UBAP2L: variants seen among roughly 807,000 people sequenced by gnomAD.
The protein encoded by UBAP2L is ubiquitin-associated protein 2-like.
A neutral mutation model predicts 130.6 loss-of-function variants in UBAP2L; 12 were observed. The observed-to-expected ratio is 0.09, with a 90% CI of 0.06 to 0.15. The LOEUF (loss-of-function observed/expected upper bound fraction) is 0.15. Among genes scored for constraint, UBAP2L ranks in the 10% least tolerant of loss-of-function variants. UBAP2L has a pLI of 1.00. For missense variants in UBAP2L, 965 were observed against 1,332.5 expected (o/e 0.72, Z 4.29); for synonymous variants, 503 against 524.7 (o/e 0.96, Z 0.57).
At position 154,234,350 on chromosome 1, in the gene UBAP2L, G is replaced by A. The variant is rs541982940; in HGVS notation, c.280-241G>A. 1.2e-3 allele frequency among the ~76,000 whole-genome samples: 183 copies of A among 152,022 alleles called. 1 individual carries two copies. Among genetic ancestry groups the A allele is most frequent in the African/African-American group, 4.2e-3 (176 of 41,488 alleles). On this transcript the variant is annotated intron_variant, in intron 4 of 26. Transcript: ENST00000428931. Reference sequence around the variant, plus strand: ...TGCACTCCAGCCTGGGCAACAGAGCGAGACTCTGTCTCAAAAATAAATAAA... The same window carrying A: ...TGCACTCCAGCCTGGGCAACAGAGCAAGACTCTGTCTCAAAAATAAATAAA...
At chr1:154,247,056 G>C (rs1013934439) in intron 11 of UBAP2L, among the ~76,000 whole-genome samples, 14 of 152,168 alleles carry the variant, frequency 9.2e-5, no homozygotes, top group African/African-American at 3.1e-4. Context: ...ACAAGTACCA[G>C]TTTTCTCATA....
intron 24 of UBAP2L, among the ~76,000 whole-genome samples, chr1:154,265,012 C>T (rs1194597): frequency 0.05 from 7,611 of 152,268 alleles, 665 homozygotes; most frequent in African/African-American, 0.17. Context: ...ACTCCTGTAT[C>T]GTTCCCTTCT....
chr1:154,246,324 G>A lies in UBAP2L; in HGVS notation c.963G>A (p.Gln321=). Residue 321 remains glutamine (Q), a synonymous_variant, in exon 11 of 27, where the codon CAG becomes CAA. Coordinates refer to ENST00000428931, the MANE Select transcript of UBAP2L (RefSeq NM_014847.4). The part of the protein sequence containing the change: ...AQPLVFSNSK[Q]TAISQPASGN... Reference sequence around the variant, plus strand: ...CTCTGGTGTTCAGTAATTCGAAGCAGACTGCCATATCACAGCCTGCTTCAG... The same window carrying A: ...CTCTGGTGTTCAGTAATTCGAAGCAAACTGCCATATCACAGCCTGCTTCAG... The A allele has an allele frequency of 6.2e-7, 1 of 1,613,606 alleles. No individual in the cohort carries two copies. The highest frequency in any genetic ancestry group is 8.5e-7 in the Non-Finnish European group (1 of 1,179,840).
chr1:154,236,552 CA>C lies in UBAP2L; in HGVS notation c.545-13del. On this transcript the variant is annotated splice_polypyrimidine_tract_variant and intron_variant, in intron 6 of 26. Transcript: ENST00000428931. ...AAATACATCTCTCTTCTCTTTTTCT[CA>C]TTCTTTCTTTAGGTGGCTCTGGTAG... The C allele has an allele frequency of 6.2e-7, 1 of 1,613,748 alleles. No individual in the cohort carries two copies.
chr1:154,270,940 C>A (rs1191679588), downstream of UBAP2L: 30 of 1,549,968 alleles, frequency 1.9e-5, no homozygotes, highest in Non-Finnish European at 2.5e-5. Flanking sequence ...ACCAACTGGG[C>A]CTCCTCTAGC....
chr1:154,228,046 C>T (rs926513415), intron 3 of UBAP2L, among the ~76,000 whole-genome samples: 1 of 152,020 alleles, frequency 6.6e-6, no homozygotes, highest in African/African-American at 2.4e-5. Context: ...TTGACCTCAT[C>T]CCTGAACCAC....
At chr1:154,226,276 T>C (rs1313580779) in intron 2 of UBAP2L, among the ~76,000 whole-genome samples, 1 of 152,218 alleles carries the variant, frequency 6.6e-6, no homozygotes, top group African/African-American at 2.4e-5. Context: ...TTCTTCAAAA[T>C]TAAATGAAAC....
chr1:154,254,819 T>TG lies in UBAP2L; in HGVS notation c.1855-17_1855-16insG, dbSNP rs776052656. ...TTTGTCTGTTTCTTGCTCTTCTGTT[T>TG]TTTTTTTTTTTACCAGAATGGCTTC... is the stretch of plus-strand genomic sequence containing the variant. On this transcript the variant is annotated splice_polypyrimidine_tract_variant and intron_variant, in intron 15 of 26. Coordinates refer to ENST00000428931, the MANE Select transcript of UBAP2L (RefSeq NM_014847.4). 1.9e-6 allele frequency: 3 copies of TG among 1,578,752 alleles called. No homozygotes were observed. Among genetic ancestry groups the TG allele is most frequent in the Non-Finnish European group, 2.6e-6 (3 of 1,159,674 alleles).
At chr1:154,240,152 G>A (rs960786494) in intron 8 of UBAP2L, among the ~76,000 whole-genome samples, 2 of 152,116 alleles carry the variant, frequency 1.3e-5, no homozygotes, top group Non-Finnish European at 2.9e-5. Context: ...AGGAGGGAAG[G>A]ATTGAAGAGT....
chr1:154,241,125 G>C (rs1673450319), intron 8 of UBAP2L, among the ~76,000 whole-genome samples: 1 of 151,516 alleles, frequency 6.6e-6, no homozygotes, highest in Non-Finnish European at 1.5e-5. Flanking sequence ...TTTCACTCTT[G>C]TTGCCCAGGC....
intron 24 of UBAP2L, among the ~76,000 whole-genome samples, chr1:154,265,003 C>T (rs956543583): frequency 3.9e-5 from 6 of 152,202 alleles, no homozygotes; most frequent in African/African-American, 1.4e-4. Flanking sequence ...CTTTAAGATA[C>T]TCCTGTATCG....
intron 15 of UBAP2L, 100 bp from the exon 16 acceptor site, chr1:154,254,735 TA>T: frequency 7.8e-7 from 1 of 1,287,242 alleles, no homozygotes; most frequent in Non-Finnish European, 1.1e-6. Context: ...GAGTTTCTCC[TA>T]AAGATTTGTT....
intron 24 of UBAP2L, among the ~76,000 whole-genome samples, chr1:154,265,317 G>A (rs1030352621): frequency 6.6e-6 from 1 of 152,158 alleles, no homozygotes; most frequent in Non-Finnish European, 1.5e-5. Context: ...GGCCACTCTA[G>A]TACACTGCTT....
chr1:154,233,524 C>T (rs1330086429), intron 4 of UBAP2L, among the ~76,000 whole-genome samples: 6 of 144,854 alleles, frequency 4.1e-5, no homozygotes, highest in African/African-American at 8.4e-5. Flanking sequence ...GGGGTTTCAC[C>T]GTGTTGGCCA....
intron 24 of UBAP2L, chr1:154,263,621 A>C (rs2149052795): frequency 6.1e-6 from 4 of 653,928 alleles, no homozygotes; most frequent in African/African-American, 2.0e-5. Context: ...AGAACTATTA[A>C]TTTTTCAGTA....
intron 4 of UBAP2L, among the ~76,000 whole-genome samples, chr1:154,230,258 C>T (rs747974663): frequency 4.6e-5 from 7 of 152,284 alleles, no homozygotes; most frequent in East Asian, 1.9e-4. Flanking sequence ...CCTCCTGCCT[C>T]GGCCTTCCAA....
intron 1 of UBAP2L, 120 bp from the exon 2 acceptor site, chr1:154,224,964 G>A (rs1349975694): frequency 1.6e-6 from 1 of 612,898 alleles, no homozygotes; most frequent in African/African-American, 1.9e-5. Flanking sequence ...AAGAATAAAT[G>A]AATCTTATTG....
At position 154,259,986 on chromosome 1, in the gene UBAP2L, G is replaced by A. The variant is rs775765128; in HGVS notation, c.2535G>A (p.Pro845=). Residue 845 remains proline (P), a synonymous_variant, in exon 22 of 27, where the codon CCG becomes CCA. Transcript: ENST00000428931. The part of the protein sequence containing the change: ...YSIPFPTPTT[P]LTGRDGSLAS... Reference sequence around the variant, plus strand: ...TCCCATTTCCCACACCCACTACTCCGCTGACTGGGAGGGATGGTAGCCTGG... The same window carrying A: ...TCCCATTTCCCACACCCACTACTCCACTGACTGGGAGGGATGGTAGCCTGG... 27 of 1,613,926 alleles carry A rather than the reference G, an allele frequency of 1.7e-5. No individual in the cohort carries two copies. The highest frequency in any genetic ancestry group is 3.3e-5 in the Admixed American group (2 of 60,002).
chr1:154,236,435 C>A (rs991531489), intron 6 of UBAP2L, 131 bp from the exon 7 acceptor site: 3 of 912,414 alleles, frequency 3.3e-6, no homozygotes, highest in Admixed American at 2.1e-5. Context: ...CTGGATGCAA[C>A]CAATCCGCCC....
Sources: gnomAD v4.1 joint callset for allele counts (sites outside exome capture counted in the v4.1 genomes callset) on GRCh38, gnomAD v4.1.1 for gene constraint, MANE v1.5 for transcripts, NCBI Gene and HGNC (gene_info 2026-07-23, HGNC 2026-07-21) for gene names.